Variants in ARID2 observed in about 807,000 individuals in gnomAD.
ARID2 encodes AT-rich interaction domain 2, also known as AT-rich interactive domain-containing protein 2.
Under a neutral mutation model 184.6 loss-of-function variants are expected in ARID2, and 32 were observed. The ratio of observed to expected loss-of-function variants is 0.17; its 90% confidence interval spans 0.13 to 0.23. The LOEUF (loss-of-function observed/expected upper bound fraction) is 0.23, where lower values mean the gene tolerates loss of function less well. Ranked by LOEUF, ARID2 falls within the 10% of genes least tolerant of loss-of-function variation. The pLI is 1.00. For synonymous variants in ARID2, 836 were observed against 772.6 expected, an observed-to-expected ratio of 1.08 and a Z score of -1.36; for missense variants, 1,696 against 2,197.6, an observed-to-expected ratio of 0.77 and a Z score of 4.56.
Position 45,730,825 on chromosome 12 carries a change from C to A in ARID2, c.187-392C>A, listed in dbSNP as rs1017830056. Among the ~76,000 whole-genome samples, 20 of 151,618 alleles carry A rather than the reference C, an allele frequency of 1.3e-4. No homozygotes were observed. In the South Asian group the frequency reaches 2.3e-3, roughly 17 times the overall value. ...GAATCGGCCCCAGCCCCGGCCCCCC[C>A]CCCAACCCGCGGACGTCGCTGTCCG... On this transcript the variant is annotated intron_variant, in intron 2 of 20. Coordinates refer to ENST00000334344, the MANE Select transcript of ARID2 (RefSeq NM_152641.4).
At chr12:45,883,911 T>C (rs1028083276) in intron 16 of ARID2, among the ~76,000 whole-genome samples, 2 of 152,200 alleles carry the variant, frequency 1.3e-5, no homozygotes, top group African/African-American at 2.4e-5. Context: ...CTTTGCGCTA[T>C]GTGCAGCTTT....
chr12:45,844,469 C>G (rs1054607368), intron 11 of ARID2, among the ~76,000 whole-genome samples: 1 of 152,068 alleles, frequency 6.6e-6, no homozygotes, highest in African/African-American at 2.4e-5. Flanking sequence ...TAGAACAAAC[C>G]AAGGGGCCAG....
At chr12:45,880,206 T>A (rs1592138207) in intron 16 of ARID2, among the ~76,000 whole-genome samples, 1 of 152,216 alleles carries the variant, frequency 6.6e-6, no homozygotes, top group Admixed American at 6.5e-5. Context: ...AAAATTATTT[T>A]CCCTTAAGAG....
chr12:45,739,845 C>T (rs1941216782), intron 3 of ARID2, among the ~76,000 whole-genome samples: 1 of 152,026 alleles, frequency 6.6e-6, no homozygotes, highest in African/African-American at 2.4e-5. Flanking sequence ...AGGAAGAGAC[C>T]ATAGCTAGGG....
Position 45,892,037 on chromosome 12 carries a change from A to G in ARID2, c.5088A>G (p.Leu1696=), listed in dbSNP as rs1259512476. Residue 1696 remains leucine, a synonymous_variant, in exon 18 of 21, where the codon CTA becomes CTG. Transcript: ENST00000334344. ...LQDKHCSKDA[L]LAGLKQDEPG... is the part of the protein sequence containing the mutation. ...ATAAGCACTGTTCAAAGGATGCCCT[A>G]CTTGCAGGATTAAAACAAGATGAAC... 26 of 1,614,054 alleles carry G rather than the reference A, an allele frequency of 1.6e-5. No homozygotes were observed. The highest frequency in any genetic ancestry group is 2.0e-5 in the Non-Finnish European group (24 of 1,180,012).
intron 16 of ARID2, among the ~76,000 whole-genome samples, chr12:45,889,229 G>T (rs1944250765): frequency 1.3e-5 from 2 of 152,084 alleles, no homozygotes; most frequent in African/African-American, 4.8e-5. Flanking sequence ...CTCTGGAGTG[G>T]CAGCAGTATA....
intron 15 of ARID2, among the ~76,000 whole-genome samples, chr12:45,854,959 G>T (rs745970929): frequency 4.6e-5 from 7 of 152,200 alleles, no homozygotes; most frequent in Non-Finnish European, 1.5e-5. Flanking sequence ...TACCAGGACA[G>T]AAACCTGGGT....
At chr12:45,875,257 G>C (rs1375577637) in intron 16 of ARID2, among the ~76,000 whole-genome samples, 1 of 152,236 alleles carries the variant, frequency 6.6e-6, no homozygotes, top group Non-Finnish European at 1.5e-5. Flanking sequence ...TACATTGTCA[G>C]TGAGTGGTAC....
At chr12:45,827,808 G>C (rs929085384) in intron 6 of ARID2, among the ~76,000 whole-genome samples, 4 of 152,130 alleles carry the variant, frequency 2.6e-5, no homozygotes, top group African/African-American at 9.7e-5. Flanking sequence ...GGTATAGAAA[G>C]TATGCTTATG....
chr12:45,734,648 A>G (rs1941074074), intron 3 of ARID2, among the ~76,000 whole-genome samples: 1 of 151,912 alleles, frequency 6.6e-6, no homozygotes, highest in African/African-American at 2.4e-5. Context: ...TGACGTGTTC[A>G]ATAATATTTG....
At chr12:45,783,999 T>C (rs753884451) in intron 3 of ARID2, among the ~76,000 whole-genome samples, 1 of 152,114 alleles carries the variant, frequency 6.6e-6, no homozygotes, top group Non-Finnish European at 1.5e-5. Flanking sequence ...TTTTATTTAA[T>C]TTTGTTTAGA....
At chr12:45,885,185 T>C (rs1944166471) in intron 16 of ARID2, among the ~76,000 whole-genome samples, 1 of 151,970 alleles carries the variant, frequency 6.6e-6, no homozygotes, top group Non-Finnish European at 1.5e-5. Context: ...CTAAGTCTTA[T>C]TTGAATATAT....
rs141762053 is a variant in ARID2 at position 45,832,492 on chromosome 12, T to G, written c.706-4097T>G. Among the ~76,000 whole-genome samples, 37 of 152,272 alleles carry G rather than the reference T, an allele frequency of 2.4e-4. No individual in the cohort carries two copies. In the East Asian group the frequency reaches 6.9e-3, roughly 29 times the overall value. Reference sequence around the variant, plus strand: ...TCTTGTTTTTTTTGTTTTGTTTGTTTTAGAGACAGGGTCTTGCTTCGCTAC... The same window carrying G: ...TCTTGTTTTTTTTGTTTTGTTTGTTGTAGAGACAGGGTCTTGCTTCGCTAC... On this transcript the variant is annotated intron_variant, in intron 6 of 20. Transcript: ENST00000334344.
In ARID2 at chr12:45,852,690, G is replaced by C. The variant is rs2138180629; in HGVS notation, c.4567G>C (p.Asp1523His). The C allele has an allele frequency of 6.2e-7, 1 of 1,614,186 alleles. No homozygotes were observed. The highest frequency in any genetic ancestry group is 8.5e-7 in the Non-Finnish European group (1 of 1,180,012). Reference protein sequence around the residue: ...KTVKRPAEDTDRETVAGIPNK... With the variant: ...KTVKRPAEDTHRETVAGIPNK... ...TGTAAAGAGGCCAGCAGAGGATACT[G>C]ATAGGGAAACAGTCGCAGGAATTCC... The change falls in exon 15 of 21, where the codon GAT (aspartate) becomes CAT (histidine). Residue 1523 changes from aspartate to histidine, a missense_variant. Around this residue, in one of 11 missense-constraint regions of ARID2, gnomAD observed 428 missense variants for 409.1 expected, o/e 1.05. Coordinates refer to ENST00000334344, the MANE Select transcript of ARID2 (RefSeq NM_152641.4).
intron 3 of ARID2, among the ~76,000 whole-genome samples, chr12:45,767,704 G>A (rs1941798641): frequency 1.3e-5 from 2 of 152,198 alleles, no homozygotes; most frequent in Non-Finnish European, 1.5e-5. Flanking sequence ...TGGGGAGAAC[G>A]ATGGTGTGTG....
At position 45,758,371 on chromosome 12, in the gene ARID2, C is replaced by T. The variant is rs535593793; in HGVS notation, c.284+27057C>T. 8.6e-5 allele frequency among the ~76,000 whole-genome samples: 13 copies of T among 151,470 alleles called. No homozygotes were observed. The South Asian group carries it at 2.3e-3, about 27-fold the overall frequency. On this transcript the variant is annotated intron_variant, in intron 3 of 20. Transcript: ENST00000334344. ...AAACATTATGACATTTTTTTTTGTG[C>T]GATCGATTTTTTTTTTGTGCGACTT...
At chr12:45,867,373 C>T (rs1196530558) in intron 16 of ARID2, among the ~76,000 whole-genome samples, 1 of 152,134 alleles carries the variant, frequency 6.6e-6, no homozygotes, top group Non-Finnish European at 1.5e-5. Flanking sequence ...CCCGCCTCAG[C>T]CTCCTGAGTA....
chr12:45,899,637 ATATATATATATTTGGT>A (rs1456190520), intron 20 of ARID2, among the ~76,000 whole-genome samples: 119 of 133,436 alleles, frequency 8.9e-4, no homozygotes, highest in African/African-American at 2.8e-3. Flanking sequence ...ATTTGGTTAT[ATATATATATATTTGGT>A]TATATATATA....
At chr12:45,793,813 G>T (rs1171041110) in intron 3 of ARID2, among the ~76,000 whole-genome samples, 2 of 148,436 alleles carry the variant, frequency 1.3e-5, no homozygotes, top group Non-Finnish European at 3.0e-5. Context: ...TTTAGTGCAG[G>T]TCTGCTGGTT....
Sources: allele counts gnomAD v4.1 joint callset (sites outside exome capture counted in the v4.1 genomes callset), GRCh38; gene constraint gnomAD v4.1.1; regional missense constraint gnomAD v4.1.1; transcripts MANE v1.5; gene names NCBI Gene and HGNC (gene_info 2026-07-23, HGNC 2026-07-21).